The following ZEB1 variants were observed in gnomAD, a reference collection of about 807,000 sequenced individuals.
ZEB1 encodes zinc finger E-box-binding homeobox 1.
ZEB1 carries 21 observed loss-of-function variants against 84.9 expected under a neutral mutation model. The ratio of observed to expected loss-of-function variants is 0.25; its 90% confidence interval spans 0.18 to 0.36. ZEB1 has a LOEUF of 0.36. Ranked by LOEUF, ZEB1 falls within the 10% of genes least tolerant of loss-of-function variation. ZEB1 has a pLI of 1.00. For synonymous variants in ZEB1, 420 were observed against 471.1 expected, an observed-to-expected ratio of 0.89 and a Z score of 1.41; for missense variants, 1,104 against 1,330.2, an observed-to-expected ratio of 0.83 and a Z score of 2.65.
intron 2 of ZEB1, among the ~76,000 whole-genome samples, chr10:31,473,905 G>A (rs866612937): frequency 0.015 from 2,271 of 150,818 alleles, 40 homozygotes; most frequent in African/African-American, 0.051. Context: ...AAATAACGCC[G>A]CATATCTACA....
At chr10:31,511,645 C>T (rs2070042815) in intron 5 of ZEB1, among the ~76,000 whole-genome samples, 1 of 152,142 alleles carries the variant, frequency 6.6e-6, no homozygotes, top group South Asian at 2.1e-4. Flanking sequence ...TTTTCAGCCA[C>T]ACAGGGTTTG....
intron 2 of ZEB1, among the ~76,000 whole-genome samples, chr10:31,488,427 A>G (rs2066029495): frequency 6.6e-6 from 1 of 150,852 alleles, no homozygotes; most frequent in African/African-American, 2.4e-5. Flanking sequence ...TCCTGATAGT[A>G]GCAATTTGTG....
intron 1 of ZEB1, chr10:31,320,412 C>G (rs1381174710): frequency 2.0e-5 from 3 of 148,932 alleles, no homozygotes; most frequent in East Asian, 2.1e-4. Flanking sequence ...AAGTTGTTAC[C>G]TGGGCCGGAC....
At chr10:31,338,916 A>T (rs2038799182) in intron 1 of ZEB1, among the ~76,000 whole-genome samples, 2 of 152,080 alleles carry the variant, frequency 1.3e-5, no homozygotes, top group Admixed American at 1.3e-4. Context: ...TGGGAGAGTG[A>T]TATTTGATTC....
rs1194175392 is a variant in ZEB1 at position 31,327,103 on chromosome 10, T to TC, written c.58+7811_58+7812insC. On this transcript the variant is annotated intron_variant, in intron 1 of 8. Transcript: ENST00000424869. The stretch of plus-strand genomic sequence containing the variant: ...ACTTTCTTTTTCTTTTCTTTTCTTT[T>TC]TTTTTTTTTTTTTTTTTTGAGACAG... 4.7e-5 allele frequency among the ~76,000 whole-genome samples: 6 copies of TC among 127,526 alleles called. No homozygotes were observed. In the South Asian group the frequency reaches 9.4e-4, roughly 20 times the overall value. The allele number at this position is 127,526 out of a possible 152,430, so 83.7% of individuals were successfully genotyped here.
chr10:31,512,553 T>C (rs1041976382), intron 5 of ZEB1, among the ~76,000 whole-genome samples: 2 of 152,170 alleles, frequency 1.3e-5, no homozygotes, highest in African/African-American at 4.8e-5. Context: ...AGAATCATAC[T>C]GTGACTAACA....
intron 1 of ZEB1, among the ~76,000 whole-genome samples, chr10:31,429,798 C>CA (rs2057481182): frequency 7.9e-6 from 1 of 126,716 alleles, no homozygotes; most frequent in Non-Finnish European, 1.5e-5. Context: ...GGCTGGAGTG[C>CA]AATGGCATAA....
At chr10:31,325,529 A>G (rs1218376657) in intron 1 of ZEB1, among the ~76,000 whole-genome samples, 1 of 152,058 alleles carries the variant, frequency 6.6e-6, no homozygotes, top group African/African-American at 2.4e-5. Context: ...GGTATGAACT[A>G]TGTTTGTAGA....
intron 1 of ZEB1, among the ~76,000 whole-genome samples, chr10:31,327,263 G>A (rs146562415): frequency 0.017 from 2,629 of 151,544 alleles, 113 homozygotes; most frequent in Admixed American, 0.1. Flanking sequence ...GGCACACACC[G>A]CCATGCCTGG....
intron 1 of ZEB1, among the ~76,000 whole-genome samples, chr10:31,347,568 G>A (rs10763865): frequency 0.25 from 37,577 of 152,018 alleles, 10,240 homozygotes; most frequent in African/African-American, 0.68. Flanking sequence ...ATGTATTTTT[G>A]TAACTTGTTG....
rs567046347 is a variant in ZEB1, at chr10:31,325,974, T to G, written c.58+6682T>G. On this transcript the variant is annotated intron_variant, in intron 1 of 8. Transcript: ENST00000424869. ...CAGAGTGTTTGGTTTTGGGTTTTTTTTTTTTTTTTTAAGTAGATAGTGCTG... is the reference window on the plus strand; with the variant it reads ...CAGAGTGTTTGGTTTTGGGTTTTTTGTTTTTTTTTTAAGTAGATAGTGCTG... Among the ~76,000 whole-genome samples, 4 of 151,156 alleles carry G rather than the reference T, an allele frequency of 2.6e-5. 1 individual carries two copies. In the South Asian group the frequency reaches 8.3e-4, roughly 32 times the overall value.
intron 1 of ZEB1, among the ~76,000 whole-genome samples, chr10:31,337,312 A>G (rs1335036404): frequency 6.6e-6 from 1 of 152,144 alleles, no homozygotes; most frequent in Non-Finnish European, 1.5e-5. Context: ...GGAATGAGTG[A>G]ATTTGGACAC....
chr10:31,439,550 CAG>C (rs952830439), intron 1 of ZEB1, among the ~76,000 whole-genome samples: 1 of 151,642 alleles, frequency 6.6e-6, no homozygotes, highest in Non-Finnish European at 1.5e-5. Flanking sequence ...GTGATCGAAA[CAG>C]AAAAAATTCC....
chr10:31,441,948 A>C (rs2059050226), intron 1 of ZEB1, among the ~76,000 whole-genome samples: 1 of 152,206 alleles, frequency 6.6e-6, no homozygotes. Flanking sequence ...GAACACTTTT[A>C]CACTGTTGGT....
chr10:31,375,418 T>G (rs772011892), intron 1 of ZEB1, among the ~76,000 whole-genome samples: 1 of 151,822 alleles, frequency 6.6e-6, no homozygotes, highest in African/African-American at 2.4e-5. Flanking sequence ...TGGTTCTGTT[T>G]AGTTGGCTTT....
chr10:31,444,761 C>G (rs2059539727), intron 1 of ZEB1, among the ~76,000 whole-genome samples: 3 of 151,668 alleles, frequency 2.0e-5, no homozygotes, highest in Admixed American at 2.0e-4. Context: ...CTGTTCTGTT[C>G]CATTGATCTA....
At chr10:31,441,343 T>G (rs942018590) in intron 1 of ZEB1, among the ~76,000 whole-genome samples, 1 of 152,212 alleles carries the variant, frequency 6.6e-6, no homozygotes, top group African/African-American at 2.4e-5. Flanking sequence ...CTGGGAAAAC[T>G]GACTAGCCAT....
At chr10:31,376,926 A>G (rs1368044584) in intron 1 of ZEB1, among the ~76,000 whole-genome samples, 1 of 151,578 alleles carries the variant, frequency 6.6e-6, no homozygotes, top group African/African-American at 2.4e-5. Flanking sequence ...CATACAATAT[A>G]TATTTCAGAG....
intron 1 of ZEB1, among the ~76,000 whole-genome samples, chr10:31,405,716 T>A (rs1397514838): frequency 6.6e-6 from 1 of 152,124 alleles, no homozygotes; most frequent in Non-Finnish European, 1.5e-5. Context: ...GCTCTTTTTT[T>A]TTTTAAAATT....
Sources: allele counts gnomAD v4.1 joint callset (sites outside exome capture counted in the v4.1 genomes callset), GRCh38; gene constraint gnomAD v4.1.1; transcripts MANE v1.5; gene names NCBI Gene and HGNC (gene_info 2026-07-23, HGNC 2026-07-21).